Variants in WWOX observed in about 807,000 individuals in gnomAD.
The protein encoded by WWOX is WW domain-containing oxidoreductase.
WWOX carries 69 observed loss-of-function variants against 46.2 expected under a neutral mutation model. That is an observed-to-expected ratio of 1.49 (90% CI 1.23 to 1.82). The LOEUF is 1.82. Ranked by LOEUF, WWOX falls within the 40% of genes most tolerant of loss-of-function variation. WWOX has a pLI of 0.00. For synonymous variants in WWOX, 359 were observed against 202.6 expected, an observed-to-expected ratio of 1.77 and a Z score of -6.56; for missense variants, 919 against 542.6, an observed-to-expected ratio of 1.69 and a Z score of -6.89.
intron 8 of WWOX, among the ~76,000 whole-genome samples, chr16:79,091,464 G>A (rs2048958917): frequency 2.0e-5 from 3 of 152,048 alleles, no homozygotes. Flanking sequence ...CCCAATTTTT[G>A]TTCATGTGGA....
chr16:78,437,466 A>T (rs927457628), intron 8 of WWOX, among the ~76,000 whole-genome samples: 16 of 152,132 alleles, frequency 1.1e-4, no homozygotes, highest in African/African-American at 3.9e-4. Flanking sequence ...AAATTAATTA[A>T]TTTTTCCATT....
chr16:79,008,838 G>A (rs8056767), intron 8 of WWOX, among the ~76,000 whole-genome samples: 184 of 152,300 alleles, frequency 1.2e-3, no homozygotes, highest in African/African-American at 4.2e-3. Flanking sequence ...AGACCAGGGG[G>A]CCCCGATCAG....
intron 5 of WWOX, among the ~76,000 whole-genome samples, chr16:78,376,504 A>G (rs1307730044): frequency 1.3e-5 from 2 of 152,144 alleles, no homozygotes; most frequent in Non-Finnish European, 2.9e-5. Context: ...ACAATGAACC[A>G]GTTTTATTTT....
At chr16:78,120,906 C>G (rs963103078) in intron 4 of WWOX, among the ~76,000 whole-genome samples, 1 of 152,096 alleles carries the variant, frequency 6.6e-6, no homozygotes, top group Non-Finnish European at 1.5e-5. Context: ...TCCTTTACAC[C>G]TTTGCTTCTT....
At chr16:78,392,519 C>T (rs1238209272) in intron 6 of WWOX, among the ~76,000 whole-genome samples, 1 of 152,070 alleles carries the variant, frequency 6.6e-6, no homozygotes, top group South Asian at 2.1e-4. Context: ...CAAAGCCACC[C>T]CCACTCCTTT....
chr16:78,884,384 C>T (rs944289482), intron 8 of WWOX, among the ~76,000 whole-genome samples: 4 of 150,982 alleles, frequency 2.6e-5, no homozygotes, highest in Admixed American at 6.6e-5. Flanking sequence ...CAGCATTATT[C>T]ATTATAACAC....
intron 8 of WWOX, among the ~76,000 whole-genome samples, chr16:79,005,346 A>G (rs2047170296): frequency 6.6e-6 from 1 of 152,166 alleles, no homozygotes; most frequent in Admixed American, 6.5e-5. Flanking sequence ...CAGGCTAAGC[A>G]CAGTCACAGA....
chr16:79,090,281 G>A (rs775248083), intron 8 of WWOX, among the ~76,000 whole-genome samples: 85 of 17,066 alleles, frequency 5.0e-3, no homozygotes, highest in Non-Finnish European at 7.5e-3. Flanking sequence ...TACTGTGTGC[G>A]TGTGTGTGTG....
intron 8 of WWOX, among the ~76,000 whole-genome samples, chr16:78,490,026 G>A (rs1195333107): frequency 5.3e-5 from 8 of 152,062 alleles, no homozygotes; most frequent in East Asian, 1.9e-4. Context: ...CTTAAAATAC[G>A]GAGCGACATA....
At chr16:78,487,206 GT>G (rs751716050) in intron 8 of WWOX, among the ~76,000 whole-genome samples, 5 of 151,654 alleles carry the variant, frequency 3.3e-5, no homozygotes, top group African/African-American at 1.2e-4. Context: ...TTTTTTCTCA[GT>G]TTTTTTTCCC....
chr16:78,205,688 C>T (rs1028038313), intron 5 of WWOX, among the ~76,000 whole-genome samples: 9 of 152,030 alleles, frequency 5.9e-5, no homozygotes, highest in Admixed American at 5.9e-4. Context: ...CATACACATC[C>T]ATCTGTTCAT....
intron 8 of WWOX, among the ~76,000 whole-genome samples, chr16:78,946,926 G>A (rs2045960484): frequency 6.6e-6 from 1 of 152,134 alleles, no homozygotes; most frequent in African/African-American, 2.4e-5. Flanking sequence ...TTCCCTTCCT[G>A]GAAGATTGAG....
intron 8 of WWOX, among the ~76,000 whole-genome samples, chr16:78,937,883 C>G (rs908717530): frequency 1.3e-5 from 2 of 152,170 alleles, no homozygotes; most frequent in African/African-American, 4.8e-5. Flanking sequence ...CTGCTTCTCT[C>G]TCCCAAAGTG....
At chr16:78,392,568 T>C (rs2082199104) in intron 6 of WWOX, among the ~76,000 whole-genome samples, 1 of 152,180 alleles carries the variant, frequency 6.6e-6, no homozygotes, top group Admixed American at 6.5e-5. Flanking sequence ...AACCACTTGC[T>C]GGTGCCAAAA....
intron 5 of WWOX, among the ~76,000 whole-genome samples, chr16:78,356,712 C>G (rs76140678): frequency 0.11 from 16,036 of 152,126 alleles, 1,259 homozygotes; most frequent in East Asian, 0.3. Flanking sequence ...GAAACCCCGT[C>G]TCTACTAAAA....
intron 8 of WWOX, among the ~76,000 whole-genome samples, chr16:78,996,012 A>T (rs982787505): frequency 6.6e-6 from 1 of 152,196 alleles, no homozygotes; most frequent in African/African-American, 2.4e-5. Flanking sequence ...CTTTGAATGA[A>T]ATACATTTTC....
At chr16:78,429,133 TAC>T (rs1173109579) in intron 7 of WWOX, among the ~76,000 whole-genome samples, 2 of 152,216 alleles carry the variant, frequency 1.3e-5, no homozygotes, top group Admixed American at 1.3e-4. Flanking sequence ...TCAAGAATCT[TAC>T]AGTCTACTTT....
chr16:78,753,407 G>C (rs1035847044), intron 8 of WWOX, among the ~76,000 whole-genome samples: 3 of 152,106 alleles, frequency 2.0e-5, no homozygotes, highest in African/African-American at 7.2e-5. Context: ...AAGAGTATTG[G>C]GGTTGGGAGG....
At chr16:78,430,534 C>T (rs976462483) in intron 7 of WWOX, among the ~76,000 whole-genome samples, 3 of 152,108 alleles carry the variant, frequency 2.0e-5, no homozygotes, top group Non-Finnish European at 2.9e-5. Context: ...ATGTGCATTG[C>T]AAGACATCTG....
Sources: gnomAD v4.1 joint callset for allele counts (sites outside exome capture counted in the v4.1 genomes callset) on GRCh38, gnomAD v4.1.1 for gene constraint, MANE v1.5 for transcripts, NCBI Gene and HGNC (gene_info 2026-07-23, HGNC 2026-07-21) for gene names.